The following DIS3L2 variants were observed in gnomAD, a reference collection of about 807,000 sequenced individuals.
DIS3L2 encodes DIS3-like exonuclease 2.
In DIS3L2, 34 loss-of-function variants were observed where a neutral mutation model predicts 97.5. That is an observed-to-expected ratio of 0.35 (90% CI 0.27 to 0.46). The LOEUF (loss-of-function observed/expected upper bound fraction) is 0.46. Among genes scored for constraint, DIS3L2 ranks in the 20% least tolerant of loss-of-function variants. The pLI, the probability that DIS3L2 is intolerant of heterozygous loss-of-function variation, is 1.00. For missense variants in DIS3L2, 1,038 were observed against 1,146.0 expected, an observed-to-expected ratio of 0.91 and a Z score of 1.36; for synonymous variants, 435 against 445.2, an observed-to-expected ratio of 0.98 and a Z score of 0.29.
intron 5 of DIS3L2, among the ~76,000 whole-genome samples, chr2:232,077,957 C>CTTTCTTTCTTTCTTTCT (rs1559602074): frequency 3.2e-3 from 102 of 32,064 alleles, no homozygotes; most frequent in Non-Finnish European, 5.2e-3. Context: ...CTTTCTTTCT[C>CTTTCTTTCTTTCTTTCT]TTTCTTTCTT....
intron 8 of DIS3L2, among the ~76,000 whole-genome samples, chr2:232,158,987 A>G (rs761980009): frequency 1.3e-5 from 2 of 152,206 alleles, no homozygotes; most frequent in Non-Finnish European, 2.9e-5. Context: ...GGTTGGGATA[A>G]TAGGTCCCCC....
chr2:232,136,585 C>T lies in DIS3L2; in HGVS notation c.816C>T (p.Asp272=), dbSNP rs1698364468. 8 of 1,614,062 alleles carry T rather than the reference C, an allele frequency of 5.0e-6. No homozygotes were observed. Among genetic ancestry groups the T allele is most frequent in the African/African-American group, 1.3e-5 (1 of 75,026 alleles). The part of the protein sequence containing the change: ...FRKYALFSPS[D]HRVPRIYVPL... ...AATACGCCCTGTTTTCTCCCTCAGA[C>T]CACCGAGTGCCTAGAATTTATGTGC... The change falls in exon 8 of 21, where the codon GAC becomes GAT. Residue 272 remains aspartate, a synonymous_variant. Transcript: ENST00000325385.
chr2:232,088,342 C>T (rs1171907119), intron 6 of DIS3L2, among the ~76,000 whole-genome samples: 2 of 133,088 alleles, frequency 1.5e-5, no homozygotes, highest in African/African-American at 5.7e-5. Context: ...GTCAGGAGAT[C>T]AAGACCATCC....
chr2:232,018,727 A>G (rs945013745), intron 3 of DIS3L2, among the ~76,000 whole-genome samples: 2 of 151,992 alleles, frequency 1.3e-5, no homozygotes, highest in Non-Finnish European at 2.9e-5. Flanking sequence ...ACAGGAGTAG[A>G]GTATTTTTAT....
At chr2:232,078,371 A>G (rs1461449874) in intron 5 of DIS3L2, among the ~76,000 whole-genome samples, 1 of 152,002 alleles carries the variant, frequency 6.6e-6, no homozygotes, top group African/African-American at 2.4e-5. Flanking sequence ...GCTTGTAGAT[A>G]TGCCCTTCCC....
intron 1 of DIS3L2, among the ~76,000 whole-genome samples, chr2:231,968,186 C>G (rs1296355723): frequency 6.6e-6 from 1 of 151,876 alleles, no homozygotes; most frequent in African/African-American, 2.4e-5. Context: ...CAAGCTTCGC[C>G]TCCCAGGTTC....
intron 1 of DIS3L2, among the ~76,000 whole-genome samples, chr2:232,005,223 A>AAAC (rs1250116010): frequency 7.9e-6 from 1 of 126,534 alleles, no homozygotes; most frequent in Non-Finnish European, 1.6e-5. Context: ...AGACCCTGTT[A>AAAC]GGTTCAGATT....
chr2:231,982,302 A>C (rs140813876), intron 1 of DIS3L2, among the ~76,000 whole-genome samples: 1 of 152,166 alleles, frequency 6.6e-6, no homozygotes, highest in Admixed American at 6.5e-5. Flanking sequence ...TGCAATCTAG[A>C]ATACACTTAC....
intron 6 of DIS3L2, among the ~76,000 whole-genome samples, chr2:232,102,554 G>T (rs922010513): frequency 6.6e-6 from 1 of 152,104 alleles, no homozygotes; most frequent in Non-Finnish European, 1.5e-5. Context: ...TCAGAAAAAA[G>T]AAGAAACGAA....
At chr2:232,030,689 A>AG (rs1272020715) in intron 5 of DIS3L2, among the ~76,000 whole-genome samples, 1 of 152,248 alleles carries the variant, frequency 6.6e-6, no homozygotes, top group African/African-American at 2.4e-5. Flanking sequence ...TTTAAATAAA[A>AG]GTAAGGATCA....
intron 9 of DIS3L2, among the ~76,000 whole-genome samples, chr2:232,181,595 G>A (rs954043113): frequency 6.6e-6 from 1 of 151,640 alleles, no homozygotes; most frequent in African/African-American, 2.4e-5. Context: ...CTTTCTTCCA[G>A]TTGATCGCAT....
intron 9 of DIS3L2, among the ~76,000 whole-genome samples, chr2:232,164,505 T>C (rs998800151): frequency 4.6e-5 from 7 of 152,160 alleles, no homozygotes; most frequent in African/African-American, 1.7e-4. Flanking sequence ...TCAAAGTCTT[T>C]TCCACCACAC....
rs752820747 is a variant in DIS3L2, at chr2:232,238,581, C to T, written c.1253C>T (p.Pro418Leu). 8.7e-6 allele frequency: 14 copies of T among 1,614,154 alleles called. No homozygotes were observed. Among genetic ancestry groups the T allele is most frequent in the East Asian group, 4.5e-5 (2 of 44,882 alleles). Reference protein sequence around the residue: ...VHIADVSYFVPEGSDLDKVAA... With the variant: ...VHIADVSYFVLEGSDLDKVAA... The stretch of plus-strand genomic sequence containing the variant: ...ATTGCTGACGTGAGTTACTTTGTTC[C>T]GGAGGGATCTGATCTGGATAAAGTG... Residue 418 changes from proline to leucine, a missense_variant, in exon 11 of 21, where the codon CCG (proline) becomes CTG (leucine). Physicochemically the swap from Pro to Leu is moderately conservative, Grantham distance 98. Around this residue, in one of 3 missense-constraint regions of DIS3L2, gnomAD observed 813 missense variants for 880.1 expected, o/e 0.92. Coordinates refer to ENST00000325385, the MANE Select transcript of DIS3L2 (RefSeq NM_152383.5).
intron 16 of DIS3L2, among the ~76,000 whole-genome samples, chr2:232,332,722 GAGAC>G (rs758972940): frequency 2.0e-5 from 3 of 152,230 alleles, no homozygotes; most frequent in Non-Finnish European, 2.9e-5. Context: ...TCAGGTGTCA[GAGAC>G]GAGAAGGGCC....
At chr2:232,003,789 A>G (rs1407403692) in intron 1 of DIS3L2, among the ~76,000 whole-genome samples, 1 of 152,230 alleles carries the variant, frequency 6.6e-6, no homozygotes, top group Non-Finnish European at 1.5e-5. Context: ...CTGGCAGGAA[A>G]GAAGACAATA....
At chr2:232,130,763 CCTGAGCTA>C (rs774029527) in intron 7 of DIS3L2, 44 bp downstream of exon 7, 1 of 1,607,296 alleles carries the variant, frequency 6.2e-7, no homozygotes, top group Non-Finnish European at 8.5e-7. Context: ...ATGGCTTTCA[CCTGAGCTA>C]CTTGTTGAAG....
At chr2:232,088,020 G>T (rs1574865278) in intron 6 of DIS3L2, among the ~76,000 whole-genome samples, 1 of 152,332 alleles carries the variant, frequency 6.6e-6, no homozygotes, top group Middle Eastern at 3.4e-3. Context: ...TCCTGTGGAT[G>T]ATGTGAACAC....
chr2:232,012,800 G>A (rs1373250964), intron 1 of DIS3L2, among the ~76,000 whole-genome samples: 1 of 152,102 alleles, frequency 6.6e-6, no homozygotes, highest in African/African-American at 2.4e-5. Context: ...TGATGTCACG[G>A]GGAAGGGAAT....
chr2:232,331,244 G>A (rs1695727569), intron 16 of DIS3L2, among the ~76,000 whole-genome samples: 1 of 152,250 alleles, frequency 6.6e-6, no homozygotes, highest in Non-Finnish European at 1.5e-5. Flanking sequence ...CAGCCTGTGG[G>A]GTGGACAGCT....
Sources: allele counts gnomAD v4.1 joint callset (sites outside exome capture counted in the v4.1 genomes callset), GRCh38; gene constraint gnomAD v4.1.1; regional missense constraint gnomAD v4.1.1; transcripts MANE v1.5; gene names NCBI Gene and HGNC (gene_info 2026-07-23, HGNC 2026-07-21).